The following MND1 variants were observed in gnomAD, a reference collection of about 807,000 sequenced individuals.
MND1 encodes the protein meiotic nuclear divisions 1, also known as meiotic nuclear division protein 1 homolog.
A neutral mutation model predicts 35.1 loss-of-function variants in MND1; 28 were observed. The observed-to-expected ratio is 0.80, with a 90% CI of 0.59 to 1.09. The LOEUF (loss-of-function observed/expected upper bound fraction) is 1.09. Ranked by LOEUF, MND1 falls within the 50% of genes least tolerant of loss-of-function variation. The pLI is 0.00. For missense variants in MND1, 213 were observed against 239.6 expected, an observed-to-expected ratio of 0.89 and a Z score of 0.73; for synonymous variants, 69 against 70.5, an observed-to-expected ratio of 0.98 and a Z score of 0.11.
intron 1 of MND1, among the ~76,000 whole-genome samples, chr4:153,348,764 G>T (rs922570313): frequency 3.3e-5 from 5 of 152,076 alleles, no homozygotes; most frequent in African/African-American, 1.2e-4. Context: ...TCCAGCCTCA[G>T]CCTCCCAAAG....
intron 6 of MND1, 59 bp from the exon 7 acceptor site, chr4:153,408,912 G>GTGTATATATA (rs936713652): frequency 4.4e-5 from 14 of 318,420 alleles, no homozygotes; most frequent in African/African-American, 2.8e-4. Flanking sequence ...CATTTTGTGT[G>GTGTATATATA]TATATATATA....
At chr4:153,410,785 G>A (rs1729659844) in intron 7 of MND1, among the ~76,000 whole-genome samples, 1 of 152,176 alleles carries the variant, frequency 6.6e-6, no homozygotes, top group African/African-American at 2.4e-5. Context: ...GAGGTCAGGA[G>A]TTCAAGACCA....
chr4:153,372,925 A>G (rs895395367), intron 4 of MND1, among the ~76,000 whole-genome samples: 1 of 152,148 alleles, frequency 6.6e-6, no homozygotes, highest in Non-Finnish European at 1.5e-5. Flanking sequence ...TGTATTTATC[A>G]TTATGAAATG....
chr4:153,374,617 G>A (rs1728445312), intron 4 of MND1, among the ~76,000 whole-genome samples: 1 of 151,846 alleles, frequency 6.6e-6, no homozygotes, highest in Non-Finnish European at 1.5e-5. Context: ...ACTTCCAGAT[G>A]GGGGTTGGGG....
intron 4 of MND1, among the ~76,000 whole-genome samples, chr4:153,376,441 A>G (rs1219230884): frequency 6.6e-6 from 1 of 152,212 alleles, no homozygotes; most frequent in African/African-American, 2.4e-5. Context: ...CCCTTCCCAA[A>G]TAACTTGGTC....
At chr4:153,400,822 A>C (rs911389223) in intron 6 of MND1, among the ~76,000 whole-genome samples, 2 of 152,168 alleles carry the variant, frequency 1.3e-5, no homozygotes, top group African/African-American at 4.8e-5. Flanking sequence ...TGAGCAGAAT[A>C]CTCCATCAGT....
intron 4 of MND1, among the ~76,000 whole-genome samples, chr4:153,380,430 CAGG>C (rs1728644930): frequency 6.6e-6 from 1 of 152,122 alleles, no homozygotes; most frequent in Non-Finnish European, 1.5e-5. Flanking sequence ...TCTCTTTATC[CAGG>C]AGAAGTATCC....
intron 4 of MND1, among the ~76,000 whole-genome samples, chr4:153,387,342 T>G (rs1027203279): frequency 1.3e-5 from 2 of 152,086 alleles, no homozygotes; most frequent in African/African-American, 4.8e-5. Flanking sequence ...ATTTCTCTAT[T>G]GCTGAGACAG....
chr4:153,388,898 C>T (rs1004728581), intron 4 of MND1, among the ~76,000 whole-genome samples: 2 of 152,184 alleles, frequency 1.3e-5, no homozygotes, highest in Non-Finnish European at 2.9e-5. Flanking sequence ...CAGAACAGGT[C>T]TCAGTGGAGA....
intron 4 of MND1, among the ~76,000 whole-genome samples, chr4:153,375,790 G>A (rs1342288696): frequency 2.6e-5 from 4 of 152,092 alleles, no homozygotes; most frequent in African/African-American, 9.7e-5. Flanking sequence ...TTCCTTCTCT[G>A]TATATGTGGT....
chr4:153,386,976 T>A (rs1226406834), intron 4 of MND1, among the ~76,000 whole-genome samples: 2 of 152,170 alleles, frequency 1.3e-5, no homozygotes, highest in East Asian at 3.8e-4. Context: ...AAATGAGGAT[T>A]TAGCTTTGAG....
chr4:153,393,198 A>G (rs1729094010), intron 4 of MND1, among the ~76,000 whole-genome samples: 1 of 152,178 alleles, frequency 6.6e-6, no homozygotes, highest in South Asian at 2.1e-4. Flanking sequence ...TTGAGAACAT[A>G]ATATGTAACT....
chr4:153,387,658 C>T (rs1444323308), intron 4 of MND1, among the ~76,000 whole-genome samples: 2 of 151,964 alleles, frequency 1.3e-5, no homozygotes, highest in Non-Finnish European at 2.9e-5. Context: ...CGTAGCTACT[C>T]AGGAGGCTGA....
At chr4:153,404,286 A>G (rs920699751) in intron 6 of MND1, among the ~76,000 whole-genome samples, 15 of 146,848 alleles carry the variant, frequency 1.0e-4, no homozygotes, top group African/African-American at 3.8e-4. Context: ...GGTTCAAGCA[A>G]TTCTTCTGCC....
Position 153,384,443 on chromosome 4 carries a change from ATTTTTTTTTTTTTTTTTT to A in MND1, c.277-9807_277-9790del, listed in dbSNP as rs561004288. Among the ~76,000 whole-genome samples the A allele has an allele frequency of 4.7e-5, 3 of 63,170 alleles. No homozygotes were observed. The East Asian group carries it at 1.8e-3, about 37-fold the overall frequency. The allele number at this position is 63,170 out of a possible 152,430, so 41.4% of individuals were successfully genotyped here. A position where few individuals can be genotyped will look rare whatever the true frequency, so the allele number is the denominator to read the frequency against. On this transcript the variant is annotated intron_variant, in intron 4 of 7. Transcript: ENST00000240488. The stretch of plus-strand genomic sequence containing the variant: ...TGCCACCATGCCCAGCTAATGTTTA[ATTTTTTTTTTTTTTTTTT>A]TTTTTTTTTTTGTCAGAGATAGGGT...
chr4:153,364,159 T>C (rs1324732869), intron 4 of MND1, among the ~76,000 whole-genome samples: 3 of 152,126 alleles, frequency 2.0e-5, no homozygotes, highest in Non-Finnish European at 4.4e-5. Context: ...TTGATGGGAA[T>C]GTGAAATGGT....
chr4:153,372,322 C>T (rs1408844579), intron 4 of MND1, among the ~76,000 whole-genome samples: 4 of 145,064 alleles, frequency 2.8e-5, no homozygotes, highest in African/African-American at 5.7e-5. Context: ...ACAATAAAAA[C>T]GAGGTATGCC....
At chr4:153,379,878 C>T (rs913232191) in intron 4 of MND1, among the ~76,000 whole-genome samples, 5 of 114,090 alleles carry the variant, frequency 4.4e-5, no homozygotes, top group Non-Finnish European at 8.8e-5. Context: ...AAAAAAAAAT[C>T]AGGTGTTGTG....
intron 4 of MND1, 131 bp downstream of exon 4, chr4:153,358,753 TAAC>T (rs1382601510): frequency 1.3e-6 from 1 of 798,310 alleles, no homozygotes; most frequent in Non-Finnish European, 1.8e-6. Context: ...TAAAGATAAT[TAAC>T]ATCTGTTTCT....
Sources: allele counts gnomAD v4.1 joint callset (sites outside exome capture counted in the v4.1 genomes callset), GRCh38; gene constraint gnomAD v4.1.1; transcripts MANE v1.5; gene names NCBI Gene and HGNC (gene_info 2026-07-23, HGNC 2026-07-21).